The following BASP1 variants were observed in gnomAD, a reference collection of about 807,000 sequenced individuals.
BASP1 encodes brain acid soluble protein 1.
Under a neutral mutation model 2.2 loss-of-function variants are expected in BASP1, and 1 was observed. That is an observed-to-expected ratio of 0.46 (90% CI 0.16 to 2.17). The LOEUF (loss-of-function observed/expected upper bound fraction) is 2.17. Among genes scored for constraint, BASP1 ranks in the 30% most tolerant of loss-of-function variants. BASP1 has a pLI of 0.27. For synonymous variants in BASP1, 187 were observed against 154.2 expected, an observed-to-expected ratio of 1.21 and a Z score of -1.58; for missense variants, 352 against 327.2, an observed-to-expected ratio of 1.08 and a Z score of -0.58.
At chr5:17,268,862 G>T (rs1325275094) in intron 1 of BASP1, among the ~76,000 whole-genome samples, 1 of 152,038 alleles carries the variant, frequency 6.6e-6, no homozygotes, top group Non-Finnish European at 1.5e-5. Flanking sequence ...TTTTTGGGGG[G>T]TTTGCTATTA....
At chr5:17,273,000 T>C (rs1305285921) in intron 1 of BASP1, among the ~76,000 whole-genome samples, 2 of 152,208 alleles carry the variant, frequency 1.3e-5, no homozygotes, top group African/African-American at 4.8e-5. Context: ...TCTTAGTGTC[T>C]GTAATTTCTA....
At chr5:17,269,398 G>A (rs1334289467) in intron 1 of BASP1, among the ~76,000 whole-genome samples, 7 of 152,126 alleles carry the variant, frequency 4.6e-5, no homozygotes, top group Non-Finnish European at 1.0e-4. Context: ...CCTGGCAGGT[G>A]TAGGCAAAAA....
intron 1 of BASP1, chr5:17,240,675 C>T (rs1739844533): frequency 6.6e-6 from 1 of 152,126 alleles, no homozygotes; most frequent in Non-Finnish European, 1.5e-5. Flanking sequence ...GGCTGCTATG[C>T]AAGAATGACA....
At chr5:17,235,073 T>C (rs1277434038) in intron 1 of BASP1, among the ~76,000 whole-genome samples, 1 of 152,070 alleles carries the variant, frequency 6.6e-6, no homozygotes, top group Non-Finnish European at 1.5e-5. Context: ...TTTCCAAGAG[T>C]AGCTAGTTCT....
At chr5:17,233,999 C>T (rs1028715181) in intron 1 of BASP1, among the ~76,000 whole-genome samples, 21 of 152,106 alleles carry the variant, frequency 1.4e-4, no homozygotes, top group African/African-American at 5.1e-4. Context: ...GGCGTGGTGG[C>T]ACACGCCTGT....
intron 1 of BASP1, among the ~76,000 whole-genome samples, chr5:17,268,438 T>C (rs1460912626): frequency 6.6e-6 from 1 of 152,156 alleles, no homozygotes; most frequent in Non-Finnish European, 1.5e-5. Flanking sequence ...TCTGGATGAG[T>C]TGGTCATGTC....
intron 1 of BASP1, among the ~76,000 whole-genome samples, chr5:17,253,400 TG>T (rs1457458468): frequency 1.3e-5 from 2 of 152,076 alleles, no homozygotes; most frequent in South Asian, 2.1e-4. Context: ...TTTGCAGAGA[TG>T]GGGGTCTCAC....
At chr5:17,240,178 AG>A (rs1739834829) in intron 1 of BASP1, among the ~76,000 whole-genome samples, 2 of 150,636 alleles carry the variant, frequency 1.3e-5, no homozygotes, top group East Asian at 3.9e-4. Context: ...AACAGGTTGG[AG>A]CCCAGGAGTT....
chr5:17,267,403 G>A (rs1579502231), intron 1 of BASP1, among the ~76,000 whole-genome samples: 1 of 152,144 alleles, frequency 6.6e-6, no homozygotes, highest in East Asian at 1.9e-4. Flanking sequence ...TCCTTACAGA[G>A]TTTACACATT....
At chr5:17,272,570 T>G (rs1740551282) in intron 1 of BASP1, among the ~76,000 whole-genome samples, 1 of 152,218 alleles carries the variant, frequency 6.6e-6, no homozygotes, top group South Asian at 2.1e-4. Context: ...AGGCAAGGTC[T>G]TCACGCATAT....
chr5:17,266,666 T>C (rs1308246095), intron 1 of BASP1, among the ~76,000 whole-genome samples: 1 of 151,906 alleles, frequency 6.6e-6, no homozygotes, highest in Non-Finnish European at 1.5e-5. Flanking sequence ...AATACAAAAA[T>C]TAGCCAGGTG....
intron 1 of BASP1, among the ~76,000 whole-genome samples, chr5:17,250,442 T>C (rs1235201044): frequency 1.3e-5 from 2 of 152,208 alleles, no homozygotes; most frequent in African/African-American, 4.8e-5. Flanking sequence ...AGCATCAATA[T>C]ATAATTTATG....
intron 1 of BASP1, among the ~76,000 whole-genome samples, chr5:17,266,814 C>CAAGA (rs1740423703): frequency 3.6e-5 from 4 of 111,486 alleles, no homozygotes; most frequent in Non-Finnish European, 7.2e-5. Flanking sequence ...GATCCTGTCT[C>CAAGA]AAAAAAAAAA....
intron 1 of BASP1, chr5:17,240,628 A>G (rs563602422): frequency 1.3e-5 from 2 of 152,328 alleles, no homozygotes; most frequent in South Asian, 2.1e-4. Context: ...CTTCATCAGC[A>G]CATATACTAA....
chr5:17,221,712 A>T (rs1340997063), intron 1 of BASP1, among the ~76,000 whole-genome samples: 1 of 152,310 alleles, frequency 6.6e-6, no homozygotes, highest in Admixed American at 6.5e-5. Context: ...GACATTAGAT[A>T]AGCCAGTGAA....
rs1335296248 is a variant in BASP1, at chr5:17,264,007, T to C, written c.-9-11201T>C. Among the ~76,000 whole-genome samples the C allele has an allele frequency of 2.6e-5, 4 of 152,136 alleles. No individual in the cohort carries two copies. In the East Asian group the frequency reaches 5.8e-4, roughly 22 times the overall value. Reference sequence around the variant, plus strand: ...ACACCGACAACAATAATTTCAACAATGGAAATTGCCACCAGGCACTGAAGA... The same window carrying C: ...ACACCGACAACAATAATTTCAACAACGGAAATTGCCACCAGGCACTGAAGA... On this transcript the variant is annotated intron_variant, in intron 1 of 1. Transcript: ENST00000322611.
In BASP1 at chr5:17,217,770, G is replaced by T. The variant is rs2126482130; in HGVS notation, c.-50G>T. 1 of 152,824 alleles carries T rather than the reference G, an allele frequency of 6.5e-6. No homozygotes were observed. The allele number at this position is 152,824 out of a possible 1,614,324, so 9.5% of individuals were successfully genotyped here. ...CGCCAGCGACCCCGGCCTCTCGGCG[G>T]CACCGCGCTAACTCAGGGGCTGCAT... On this transcript the variant is annotated 5_prime_UTR_variant, in exon 1 of 2. Coordinates refer to ENST00000322611, the MANE Select transcript of BASP1 (RefSeq NM_006317.5).
intron 1 of BASP1, among the ~76,000 whole-genome samples, chr5:17,268,495 T>G (rs1740464095): frequency 6.6e-6 from 1 of 152,224 alleles, no homozygotes. Flanking sequence ...CTATTAAGTG[T>G]GTACAGAGGG....
In BASP1 at chr5:17,275,826, G is replaced by A. The variant is rs1740641868; in HGVS notation, c.610G>A (p.Ala204Thr). 1.2e-6 allele frequency: 2 copies of A among 1,611,874 alleles called. No individual in the cohort carries two copies. Among genetic ancestry groups the A allele is most frequent in the South Asian group, 2.2e-5 (2 of 90,912 alleles). The change falls in exon 2 of 2, where the codon GCC (alanine) becomes ACC (threonine). Residue 204 changes from alanine (A) to threonine (T), a missense_variant. Transcript: ENST00000322611. This position sits in a 1 kb window ranked among gnomAD's most constrained non-coding sequence, Gnocchi z 5.3. ...SSTPKAQGPA[A>T]SAEEPKPVEA... ...CACACCCAAGGCCCAGGGCCCCGCA[G>A]CCTCTGCAGAAGAGCCCAAGCCGGT... is the stretch of plus-strand genomic sequence containing the variant.
Sources: gnomAD v4.1 joint callset for allele counts (sites outside exome capture counted in the v4.1 genomes callset) on GRCh38, gnomAD v4.1.1 for gene constraint, Gnocchi (gnomAD v3.1) non-coding constraint, MANE v1.5 for transcripts, NCBI Gene and HGNC (gene_info 2026-07-23, HGNC 2026-07-21) for gene names.